The following ANK2 variants were observed in gnomAD, a reference collection of about 807,000 sequenced individuals.
ANK2 encodes the protein ankyrin-2.
Under a neutral mutation model 360.5 loss-of-function variants are expected in ANK2, and 83 were observed. The ratio of observed to expected loss-of-function variants is 0.23; its 90% confidence interval spans 0.19 to 0.28. The LOEUF is 0.28. ANK2 is among the 10% of genes least tolerant of loss of function. The pLI is 1.00. For synonymous variants in ANK2, 1,740 were observed against 1,759.5 expected, an observed-to-expected ratio of 0.99 and a Z score of 0.28; for missense variants, 4,201 against 4,795.7, an observed-to-expected ratio of 0.88 and a Z score of 3.66.
At position 113,357,278 on chromosome 4, in the gene ANK2, C is replaced by A. The variant is rs779845227; in HGVS notation, c.8660C>A (p.Pro2887Gln). Residue 2887 changes from proline (P) to glutamine (Q), a missense_variant, in exon 38 of 46, where the codon CCA (proline) becomes CAA (glutamine). Coordinates refer to ENST00000357077, the MANE Select transcript of ANK2 (RefSeq NM_001148.6). ...TKTDETFENLPKDCPSQDSSI... is the reference protein window; with the variant it reads ...TKTDETFENLQKDCPSQDSSI... ...ACTGATGAAACATTTGAGAACTTAC[C>A]AAAGGACTGCCCCTCTCAAGACTCA... 6.2e-6 allele frequency: 10 copies of A among 1,614,006 alleles called. No homozygotes were observed. The South Asian group carries it at 1.1e-4, about 18-fold the overall frequency.
intron 15 of ANK2, 115 bp from the exon 16 acceptor site, chr4:113,277,722 T>C: frequency 1.3e-6 from 1 of 766,060 alleles, no homozygotes; most frequent in Non-Finnish European, 2.3e-6. Context: ...ATGCTACCAG[T>C]ATTTTTTCCA....
At chr4:112,822,526 A>C (rs2057414397) in intron 1 of ANK2, among the ~76,000 whole-genome samples, 1 of 152,008 alleles carries the variant, frequency 6.6e-6, no homozygotes, top group Non-Finnish European at 1.5e-5. Flanking sequence ...TGGGCAGATC[A>C]CTTGAGGTCA....
chr4:112,741,654 A>C, the ANK2 span, among the ~76,000 whole-genome samples: 75 of 152,144 alleles, frequency 4.9e-4, no homozygotes, highest in South Asian at 5.0e-3. Flanking sequence ...ATTATTCTTC[A>C]TTTGAAATGA....
intron 7 of ANK2, among the ~76,000 whole-genome samples, chr4:113,238,523 C>T (rs775052359): frequency 6.6e-6 from 1 of 152,126 alleles, no homozygotes; most frequent in Non-Finnish European, 1.5e-5. Flanking sequence ...ACGGAAAGCC[C>T]AACTGCTTGG....
intron 1 of ANK2, among the ~76,000 whole-genome samples, chr4:113,145,240 C>T (rs1260348975): frequency 2.6e-5 from 4 of 151,916 alleles, no homozygotes; most frequent in African/African-American, 9.7e-5. Context: ...GTTAAAAGAA[C>T]GGTAAAAGGA....
chr4:113,103,097 A>G (rs73841214), intron 1 of ANK2, among the ~76,000 whole-genome samples: 4,395 of 152,258 alleles, frequency 0.029, 77 homozygotes, highest in Non-Finnish European at 0.038. Flanking sequence ...ATTTTAAAAT[A>G]TTATCTGTTT....
chr4:112,811,410 T>A, the ANK2 span, among the ~76,000 whole-genome samples: 879 of 152,322 alleles, frequency 5.8e-3, 5 homozygotes, highest in African/African-American at 0.02. Context: ...GTGTGTTTCA[T>A]GGGTGATGCT....
chr4:113,184,874 A>C (rs1484978378), intron 2 of ANK2, among the ~76,000 whole-genome samples: 1 of 151,874 alleles, frequency 6.6e-6, no homozygotes, highest in Non-Finnish European at 1.5e-5. Flanking sequence ...CCACTCCCCA[A>C]CAGGCCCCGG....
chr4:112,963,069 G>T (rs2035600930), intron 2 of ANK2, among the ~76,000 whole-genome samples: 1 of 152,024 alleles, frequency 6.6e-6, no homozygotes, highest in Admixed American at 6.6e-5. Context: ...TTAAATAGAT[G>T]GTGACATGTT....
At chr4:113,236,037 C>G (rs1046026593) in intron 5 of ANK2, among the ~76,000 whole-genome samples, 5 of 152,180 alleles carry the variant, frequency 3.3e-5, no homozygotes, top group Admixed American at 1.3e-4. Context: ...CGTGCCTGGC[C>G]CCAGTCTTTC....
At chr4:113,163,374 A>G (rs1009782041) in intron 1 of ANK2, among the ~76,000 whole-genome samples, 2 of 152,160 alleles carry the variant, frequency 1.3e-5, no homozygotes, top group Non-Finnish European at 2.9e-5. Flanking sequence ...ACTTTGGAGA[A>G]TGGGGTGAAT....
rs376299867 is a variant in ANK2, at chr4:112,872,512, T to C, written c.-39-31943T>C. Among the ~76,000 whole-genome samples, 3 of 152,158 alleles carry C rather than the reference T, an allele frequency of 2.0e-5. No individual in the cohort carries two copies. In the South Asian group the frequency reaches 6.2e-4, roughly 32 times the overall value. ...GCCATCACGCCTGGCTAATTTTGTA[T>C]TTTTAATAGAGACGAGGTTTCTCCA... On this transcript the variant is annotated intron_variant, in intron 1 of 30. Transcript: ENST00000503271.
intron 1 of ANK2, among the ~76,000 whole-genome samples, chr4:113,055,921 G>A (rs551061409): frequency 2.0e-5 from 3 of 152,096 alleles, no homozygotes; most frequent in African/African-American, 7.2e-5. Flanking sequence ...GCCATTTTGC[G>A]TCAGTTGATC....
At chr4:113,173,081 G>T (rs2098048232) in intron 1 of ANK2, among the ~76,000 whole-genome samples, 1 of 152,140 alleles carries the variant, frequency 6.6e-6, no homozygotes, top group Admixed American at 6.5e-5. Context: ...ATGAATTCTG[G>T]ATGTATAGAT....
chr4:113,348,070 AATC>A (rs1363901220), intron 35 of ANK2: 1 of 586,730 alleles, frequency 1.7e-6, no homozygotes, highest in Non-Finnish European at 3.0e-6. Context: ...TTGTCTCTTG[AATC>A]TATAAACTTT....
chr4:112,723,430 C>T, the ANK2 span, among the ~76,000 whole-genome samples: 1 of 152,168 alleles, frequency 6.6e-6, no homozygotes, highest in Non-Finnish European at 1.5e-5. Flanking sequence ...GTGGCGCGAT[C>T]TCGGCGCACT....
intron 1 of ANK2, among the ~76,000 whole-genome samples, chr4:112,835,717 T>A (rs1294729030): frequency 6.6e-6 from 1 of 152,186 alleles, no homozygotes; most frequent in Non-Finnish European, 1.5e-5. Context: ...TAAAAAACTA[T>A]CAAAATGCTT....
the ANK2 span, among the ~76,000 whole-genome samples, chr4:112,804,071 G>T: frequency 1.7e-4 from 25 of 151,070 alleles, no homozygotes; most frequent in Admixed American, 1.6e-3. Flanking sequence ...CAGGCTGGAG[G>T]GCAGTGGCGC....
chr4:112,855,702 GT>G (rs1488080665), intron 1 of ANK2, among the ~76,000 whole-genome samples: 1 of 152,126 alleles, frequency 6.6e-6, no homozygotes, highest in Non-Finnish European at 1.5e-5. Flanking sequence ...GTGCAGGAAG[GT>G]TAAGTGACTT....
Sources: allele counts gnomAD v4.1 joint callset (sites outside exome capture counted in the v4.1 genomes callset), GRCh38; gene constraint gnomAD v4.1.1; transcripts MANE v1.5; gene names NCBI Gene and HGNC (gene_info 2026-07-23, HGNC 2026-07-21).